COMMD1: variants seen among roughly 807,000 people sequenced by gnomAD.
COMMD1 encodes the protein copper metabolism domain containing 1, also known as COMM domain-containing protein 1.
A neutral mutation model predicts 17.2 loss-of-function variants in COMMD1; 10 were observed. That is an observed-to-expected ratio of 0.58 (90% CI 0.36 to 0.99). COMMD1 has a LOEUF of 0.99. Ranked by LOEUF, COMMD1 falls within the 50% of genes least tolerant of loss-of-function variation. COMMD1 has a pLI of 0.01. For missense variants in COMMD1, 270 were observed against 231.8 expected, an observed-to-expected ratio of 1.17 and a Z score of -1.07; for synonymous variants, 97 against 91.6, an observed-to-expected ratio of 1.06 and a Z score of -0.34.
chr2:61,963,461 A>G (rs1020480264), intron 1 of COMMD1, among the ~76,000 whole-genome samples: 5 of 151,940 alleles, frequency 3.3e-5, no homozygotes, highest in African/African-American at 4.8e-5. Flanking sequence ...GGTTCAAACA[A>G]TTCTCCTGTC....
intron 2 of COMMD1, among the ~76,000 whole-genome samples, chr2:62,036,465 C>T: frequency 6.6e-6 from 1 of 152,116 alleles, no homozygotes; most frequent in East Asian, 1.9e-4. Flanking sequence ...TTTTTGAAGA[C>T]CACATAGTCT....
chr2:62,110,788 C>T (rs774854252), intron 2 of COMMD1, among the ~76,000 whole-genome samples: 3 of 151,944 alleles, frequency 2.0e-5, no homozygotes, highest in Admixed American at 6.6e-5. Context: ...TCTGGGACAC[C>T]GTTCAAAAAA....
At chr2:62,013,477 A>G (rs1669345840) in intron 2 of COMMD1, among the ~76,000 whole-genome samples, 1 of 152,136 alleles carries the variant, frequency 6.6e-6, no homozygotes, top group Non-Finnish European at 1.5e-5. Flanking sequence ...TTTTATTATA[A>G]TATGTTCCAA....
chr2:61,944,837 A>AT (rs913991172), intron 1 of COMMD1, among the ~76,000 whole-genome samples: 27 of 151,664 alleles, frequency 1.8e-4, no homozygotes, highest in South Asian at 4.2e-4. Context: ...GCTTCTCTAG[A>AT]TTTTTTTTTG....
rs770802167 is a variant in COMMD1, at chr2:62,135,916, G to A, written c.548G>A (p.Ser183Asn). 10 of 1,595,088 alleles carry A rather than the reference G, an allele frequency of 6.3e-6. No homozygotes were observed. Among genetic ancestry groups the A allele is most frequent in the Non-Finnish European group, 7.7e-6 (9 of 1,162,808 alleles). Residue 183 changes from serine (S) to asparagine (N), a missense_variant, in exon 3 of 3, where the codon AGC (serine) becomes AAC (asparagine). Ser to Asn is a conservative substitution (Grantham distance 46). Coordinates refer to ENST00000311832, the MANE Select transcript of COMMD1 (RefSeq NM_152516.4). ...KTLSEVEESI[S>N]TLISQPN The stretch of plus-strand genomic sequence containing the variant: ...CTGTCAGAGGTAGAAGAAAGTATCA[G>A]CACACTGATCAGCCAGCCTAACTGA...
chr2:61,888,608 A>G, upstream of COMMD1: 1 of 1,376,798 alleles, frequency 7.3e-7, no homozygotes. Flanking sequence ...GCCTTCACGA[A>G]CCTTCCAGAA....
intron 1 of COMMD1, among the ~76,000 whole-genome samples, chr2:61,995,385 A>C (rs998484783): frequency 1.3e-5 from 2 of 152,230 alleles, no homozygotes; most frequent in Non-Finnish European, 2.9e-5. Flanking sequence ...TCTCAATCTT[A>C]TCTCTCAGTT....
At chr2:62,004,857 T>G (rs1573058446) in intron 2 of COMMD1, among the ~76,000 whole-genome samples, 2 of 152,284 alleles carry the variant, frequency 1.3e-5, no homozygotes, top group African/African-American at 2.4e-5. Flanking sequence ...TTCACACTGC[T>G]GACATTGGAT....
At chr2:61,944,672 CAG>C (rs1039110214) in intron 1 of COMMD1, among the ~76,000 whole-genome samples, 3 of 152,142 alleles carry the variant, frequency 2.0e-5, no homozygotes, top group Non-Finnish European at 2.9e-5. Flanking sequence ...CTCCAAAAGT[CAG>C]AGTCAGGTAG....
intron 2 of COMMD1, among the ~76,000 whole-genome samples, chr2:62,047,426 G>C (rs1670412160): frequency 6.6e-6 from 1 of 152,072 alleles, no homozygotes; most frequent in Admixed American, 6.6e-5. Context: ...AGTCCTGCAA[G>C]CTCCATTTAT....
At chr2:61,936,861 A>T (rs1367353744) in intron 1 of COMMD1, among the ~76,000 whole-genome samples, 1 of 152,212 alleles carries the variant, frequency 6.6e-6, no homozygotes, top group Non-Finnish European at 1.5e-5. Context: ...TGCCCATGAC[A>T]TAATCTCAGG....
At chr2:62,099,573 CT>C (rs1041648682) in intron 2 of COMMD1, among the ~76,000 whole-genome samples, 449 of 143,432 alleles carry the variant, frequency 3.1e-3, no homozygotes, top group Middle Eastern at 3.7e-3. Context: ...CTATCTCTCT[CT>C]TTTTTTTTTT....
At chr2:61,897,002 G>T (rs1270797836) in intron 1 of COMMD1, among the ~76,000 whole-genome samples, 2 of 151,818 alleles carry the variant, frequency 1.3e-5, no homozygotes, top group Non-Finnish European at 2.9e-5. Context: ...GCTAATGTTT[G>T]TGTTTTTAGT....
intron 2 of COMMD1, among the ~76,000 whole-genome samples, chr2:62,038,429 T>G (rs1670099766): frequency 6.6e-6 from 1 of 152,248 alleles, no homozygotes; most frequent in South Asian, 2.1e-4. Flanking sequence ...TTGAATTTTG[T>G]TGTAGAATTT....
chr2:61,998,968 G>C (rs879878725), intron 1 of COMMD1, among the ~76,000 whole-genome samples: 2 of 152,130 alleles, frequency 1.3e-5, no homozygotes, highest in Non-Finnish European at 1.5e-5. Context: ...TAACATTGAA[G>C]ATCTCTGATC....
intron 1 of COMMD1, among the ~76,000 whole-genome samples, chr2:61,910,812 C>A (rs1433233309): frequency 6.6e-6 from 1 of 152,088 alleles, no homozygotes; most frequent in Non-Finnish European, 1.5e-5. Context: ...GGCCGGGCGC[C>A]ACGGCTCACG....
At chr2:61,946,227 T>G (rs1002279089) in intron 1 of COMMD1, among the ~76,000 whole-genome samples, 2 of 152,192 alleles carry the variant, frequency 1.3e-5, no homozygotes, top group African/African-American at 4.8e-5. Context: ...AGAGAGAAGT[T>G]CAGGAAAACC....
chr2:62,084,388 A>G (rs929297668), intron 2 of COMMD1, among the ~76,000 whole-genome samples: 2 of 152,180 alleles, frequency 1.3e-5, no homozygotes, highest in African/African-American at 4.8e-5. Flanking sequence ...GTTAAAGAAA[A>G]TGTTATTAAG....
intron 1 of COMMD1, among the ~76,000 whole-genome samples, chr2:61,977,920 C>T (rs1370289271): frequency 6.6e-6 from 1 of 150,848 alleles, no homozygotes; most frequent in Non-Finnish European, 1.5e-5. Flanking sequence ...ACCTGGGAGG[C>T]AGAGGTTGCA....
Sources: allele counts gnomAD v4.1 joint callset (sites outside exome capture counted in the v4.1 genomes callset), GRCh38; gene constraint gnomAD v4.1.1; transcripts MANE v1.5; gene names NCBI Gene and HGNC (gene_info 2026-07-23, HGNC 2026-07-21).